Variants in ATXN10 observed in about 807,000 individuals in gnomAD.
ATXN10 encodes ataxin 10.
ATXN10 carries 28 observed loss-of-function variants against 52.9 expected under a neutral mutation model. That is an observed-to-expected ratio of 0.53 (90% CI 0.39 to 0.73). The LOEUF is 0.73. Among genes scored for constraint, ATXN10 ranks in the 30% least tolerant of loss-of-function variants. The probability of loss-of-function intolerance (pLI) is 0.00; values close to 1 mark genes in which losing one functional copy is unlikely to be tolerated. For synonymous variants in ATXN10, 226 were observed against 221.5 expected (o/e 1.02, Z -0.18); for missense variants, 565 against 577.0 (o/e 0.98, Z 0.21).
chr22:45,726,667 C>T (rs940880000), intron 6 of ATXN10, among the ~76,000 whole-genome samples: 1 of 152,100 alleles, frequency 6.6e-6, no homozygotes, highest in South Asian at 2.1e-4. Context: ...TTTGTTATTT[C>T]TTTTCTTTTG....
In ATXN10 at chr22:45,671,920, AGCG is replaced by A. The variant is rs994013424; in HGVS notation, c.-133_-131del. 25 of 851,166 alleles carry A rather than the reference AGCG, an allele frequency of 2.9e-5. No homozygotes were observed. The highest frequency in any genetic ancestry group is 8.4e-5 in the Admixed American group (3 of 35,804). The allele number at this position is 851,166 out of a possible 1,614,324, so 52.7% of individuals were successfully genotyped here. A position where few individuals can be genotyped will look rare whatever the true frequency, so the allele number is the denominator to read the frequency against. Reference sequence around the variant, plus strand: ...GCAGCTTCAGGGCAGCGCGGGCTGCAGCGGCGGCGGCGGTTAGGGCTGTGTAGG... The same window carrying A: ...GCAGCTTCAGGGCAGCGCGGGCTGCAGCGGCGGCGGTTAGGGCTGTGTAGG... On this transcript the variant is annotated 5_prime_UTR_variant, in exon 1 of 12. Transcript: ENST00000252934.
At position 45,786,576 on chromosome 22, in the gene ATXN10, C is replaced by T. The variant is rs1052553213; in HGVS notation, c.1174-20383C>T. Among the ~76,000 whole-genome samples, 8 of 152,220 alleles carry T rather than the reference C, an allele frequency of 5.3e-5. No homozygotes were observed. The highest frequency in any genetic ancestry group is 8.8e-5 in the Non-Finnish European group (6 of 68,046). On this transcript the variant is annotated intron_variant, in intron 9 of 11. Transcript: ENST00000252934. This position sits in a 1 kb window ranked among gnomAD's most constrained non-coding sequence, Gnocchi z 4.1. ...TGTTGGTTCTTCCTTACTTAGGTCTCGTACCCACTCCAAGTGCAATGCTGC... is the reference window on the plus strand; with the variant it reads ...TGTTGGTTCTTCCTTACTTAGGTCTTGTACCCACTCCAAGTGCAATGCTGC...
At chr22:45,793,642 C>A (rs775702072) in intron 9 of ATXN10, 1 of 1,391,306 alleles carries the variant, frequency 7.2e-7, no homozygotes, top group Non-Finnish European at 9.4e-7. Context: ...TTCCACCAGC[C>A]TTTGCCAAGG....
chr22:45,730,818 C>A (rs1925061381), intron 7 of ATXN10, among the ~76,000 whole-genome samples: 1 of 152,180 alleles, frequency 6.6e-6, no homozygotes, highest in South Asian at 2.1e-4. Flanking sequence ...ATTTCCACAG[C>A]TGTTATCCTA....
chr22:45,767,658 C>T (rs1246030924), intron 9 of ATXN10, among the ~76,000 whole-genome samples: 1 of 148,518 alleles, frequency 6.7e-6, no homozygotes, highest in Admixed American at 6.7e-5. Context: ...AAAGGAAATA[C>T]AAATACAATC....
chr22:45,822,489 T>C (rs909221058), intron 10 of ATXN10, among the ~76,000 whole-genome samples: 3 of 151,868 alleles, frequency 2.0e-5, no homozygotes, highest in Non-Finnish European at 4.4e-5. Flanking sequence ...TTCTGAGGAA[T>C]ATAATATGTT....
At chr22:45,702,954 G>A (rs1477413403) in intron 5 of ATXN10, 107 bp downstream of exon 5, 2 of 1,379,600 alleles carry the variant, frequency 1.4e-6, no homozygotes, top group African/African-American at 2.9e-5. Context: ...TGAACGATAA[G>A]TTAAAACTTA....
intron 2 of ATXN10, among the ~76,000 whole-genome samples, chr22:45,692,202 TTC>T (rs1216436025): frequency 2.0e-5 from 3 of 152,240 alleles, no homozygotes; most frequent in Non-Finnish European, 4.4e-5. Flanking sequence ...AATTTTTATT[TTC>T]TTTTTTGAGT....
chr22:45,747,104 A>C (rs1925760462), intron 9 of ATXN10, among the ~76,000 whole-genome samples: 1 of 152,028 alleles, frequency 6.6e-6, no homozygotes, highest in South Asian at 2.1e-4. Context: ...GTCTTTCTGG[A>C]TGATAATGGC....
intron 10 of ATXN10, among the ~76,000 whole-genome samples, chr22:45,827,987 A>G (rs1487312708): frequency 6.6e-6 from 1 of 152,224 alleles, no homozygotes; most frequent in Non-Finnish European, 1.5e-5. Flanking sequence ...CTATTCACAA[A>G]TTTATGGAAA....
intron 9 of ATXN10, among the ~76,000 whole-genome samples, chr22:45,803,351 G>A (rs1927989528): frequency 6.6e-6 from 1 of 152,172 alleles, no homozygotes; most frequent in African/African-American, 2.4e-5. Flanking sequence ...TCTTCCCCCT[G>A]CCCAAAACAC....
At chr22:45,782,583 A>G (rs1247148053) in intron 9 of ATXN10, among the ~76,000 whole-genome samples, 1 of 152,218 alleles carries the variant, frequency 6.6e-6, no homozygotes, top group Non-Finnish European at 1.5e-5. Context: ...ATGTAGGGTG[A>G]TAGAGGTCAG....
intron 1 of ATXN10, chr22:45,679,660 GTT>G (rs1397454921): frequency 6.6e-6 from 1 of 152,214 alleles, no homozygotes; most frequent in Non-Finnish European, 1.5e-5. Context: ...GCCATATGGC[GTT>G]TTGACTCAAC....
rs895314115 is a variant in ATXN10, at chr22:45,772,730, C to A, written c.1173+32192C>A. ...TTAGATCTTCTCTGATGTCTTTCAT[C>A]AGTGTTTTCTCATTTTCAGCATGTA... On this transcript the variant is annotated intron_variant, in intron 9 of 11. Transcript: ENST00000252934. The surrounding 1 kb of genome is among the most constrained non-coding windows in gnomAD (Gnocchi z 4.1). 6.6e-6 allele frequency among the ~76,000 whole-genome samples: 1 copy of A among 152,140 alleles called. No individual in the cohort carries two copies. The highest frequency in any genetic ancestry group is 2.4e-5 in the African/African-American group (1 of 41,418).
At chr22:45,830,216 A>C (rs1928943879) in intron 10 of ATXN10, among the ~76,000 whole-genome samples, 1 of 152,250 alleles carries the variant, frequency 6.6e-6, no homozygotes, top group Non-Finnish European at 1.5e-5. Flanking sequence ...ACAAAAATTA[A>C]CTCAAAGTGG....
chr22:45,726,627 G>A (rs1281680136), intron 6 of ATXN10, among the ~76,000 whole-genome samples: 1 of 151,942 alleles, frequency 6.6e-6, no homozygotes, highest in Non-Finnish European at 1.5e-5. Flanking sequence ...TTGATCTTTT[G>A]TTTCGATTTC....
chr22:45,813,180 G>A (rs1243272169), intron 10 of ATXN10, among the ~76,000 whole-genome samples: 2 of 152,240 alleles, frequency 1.3e-5, no homozygotes, highest in Non-Finnish European at 2.9e-5. Flanking sequence ...TTCCAGCTCC[G>A]CTACCACAGA....
chr22:45,838,335 G>A (rs919145003), intron 10 of ATXN10, among the ~76,000 whole-genome samples: 7 of 152,182 alleles, frequency 4.6e-5, no homozygotes, highest in Non-Finnish European at 8.8e-5. Context: ...CTTTACTGAC[G>A]CTGTGGTCTT....
chr22:45,738,657 CTT>C (rs1419090444), intron 7 of ATXN10, 72 bp from the exon 8 acceptor site: 8 of 1,207,290 alleles, frequency 6.6e-6, no homozygotes, highest in Non-Finnish European at 8.4e-6. Flanking sequence ...ATTTTATTCT[CTT>C]ACAGTTATTT....
Sources: allele counts gnomAD v4.1 joint callset (sites outside exome capture counted in the v4.1 genomes callset), GRCh38; gene constraint gnomAD v4.1.1; non-coding constraint Gnocchi (gnomAD v3.1); transcripts MANE v1.5; gene names NCBI Gene and HGNC (gene_info 2026-07-23, HGNC 2026-07-21).